Variants in PPFIBP2 observed in about 807,000 individuals in gnomAD.
PPFIBP2 encodes the protein PPFIB scaffold protein 2.
In PPFIBP2, 118 loss-of-function variants were observed where a neutral mutation model predicts 118.3. The ratio of observed to expected loss-of-function variants is 1.00; its 90% CI spans 0.86 to 1.16. PPFIBP2 has a LOEUF of 1.16. PPFIBP2 is among the 50% of genes most tolerant of loss of function. PPFIBP2 has a pLI of 0.00. For missense variants in PPFIBP2, 1,195 were observed against 1,073.1 expected, an observed-to-expected ratio of 1.11 and a Z score of -1.59; for synonymous variants, 414 against 397.4, an observed-to-expected ratio of 1.04 and a Z score of -0.50.
At chr11:7,539,742 AATG>A (rs1851583777) in intron 1 of PPFIBP2, among the ~76,000 whole-genome samples, 1 of 152,098 alleles carries the variant, frequency 6.6e-6, no homozygotes, top group Non-Finnish European at 1.5e-5. Context: ...CCTTGGAGAT[AATG>A]ATGATGGAAT....
rs201575718 is a variant in PPFIBP2, at chr11:7,537,332, CT to C, written c.-36-12101del. Among the ~76,000 whole-genome samples, 871 of 152,222 alleles carry C rather than the reference CT, an allele frequency of 5.7e-3. 9 individuals are homozygous for C. The highest frequency in any genetic ancestry group is 0.016 in the African/African-American group (671 of 41,528). On this transcript the variant is annotated intron_variant, in intron 1 of 23. Transcript: ENST00000299492. ...AAATGAGAAAACAAAAATGAGGACA[CT>C]TTTTTTCCCCCCCACAGAGGCAGCA...
At chr11:7,591,091 G>T (rs576039868) in intron 3 of PPFIBP2, among the ~76,000 whole-genome samples, 8 of 145,822 alleles carry the variant, frequency 5.5e-5, no homozygotes, top group African/African-American at 2.0e-4. Context: ...CTGAATTTAT[G>T]ATTTCAACTT....
At chr11:7,604,946 A>T (rs77382741) in intron 5 of PPFIBP2, among the ~76,000 whole-genome samples, 1 of 152,218 alleles carries the variant, frequency 6.6e-6, no homozygotes, top group African/African-American at 2.4e-5. Flanking sequence ...CTGGTTGACC[A>T]GGAAGTTACC....
intron 1 of PPFIBP2, among the ~76,000 whole-genome samples, chr11:7,542,901 C>T (rs1851940542): frequency 6.6e-6 from 1 of 152,132 alleles, no homozygotes; most frequent in African/African-American, 2.4e-5. Flanking sequence ...TTACATTTGC[C>T]CAAAACAATG....
Position 7,621,036 on chromosome 11 carries a change from C to A in PPFIBP2, c.711+9C>A. On this transcript the variant is annotated intron_variant, in intron 7 of 23. Coordinates refer to ENST00000299492, the MANE Select transcript of PPFIBP2 (RefSeq NM_003621.5). ...AGCTAAAGGCCACTAAGGTAAACGG[C>A]ACTCCTGATGCTTATGGAGAGAGTA... 1 of 1,580,102 alleles carries A rather than the reference C, an allele frequency of 6.3e-7. No individual in the cohort carries two copies. The highest frequency in any genetic ancestry group is 8.7e-7 in the Non-Finnish European group (1 of 1,149,094).
At chr11:7,531,513 T>C (rs1431309255) in intron 1 of PPFIBP2, among the ~76,000 whole-genome samples, 1 of 152,238 alleles carries the variant, frequency 6.6e-6, no homozygotes, top group African/African-American at 2.4e-5. Context: ...GGAACTGTGC[T>C]TACCTTGATG....
intron 5 of PPFIBP2, 21 bp from the exon 6 acceptor site, chr11:7,610,270 G>T: frequency 6.2e-7 from 1 of 1,611,350 alleles, no homozygotes; most frequent in Non-Finnish European, 8.5e-7. Context: ...TTCTGATTTC[G>T]AGATCTGTTT....
chr11:7,535,406 C>T (rs533027608), intron 1 of PPFIBP2, among the ~76,000 whole-genome samples: 35 of 152,286 alleles, frequency 2.3e-4, no homozygotes, highest in African/African-American at 8.2e-4. Flanking sequence ...AGGTCAGGCT[C>T]AGTGAGGAAG....
At chr11:7,537,084 T>C (rs886716964) in intron 1 of PPFIBP2, among the ~76,000 whole-genome samples, 1 of 152,008 alleles carries the variant, frequency 6.6e-6, no homozygotes, top group African/African-American at 2.4e-5. Flanking sequence ...CCTCCTACGT[T>C]ATTGCTGGGA....
Position 7,639,765 on chromosome 11 carries a change from ACTTTACCTGGGAAG to A in PPFIBP2, c.1275_1288del (p.Leu425PhefsTer20). On this transcript the variant is annotated frameshift_variant, in exon 15 of 24. Transcript: ENST00000299492. LOFTEE classifies it high-confidence loss of function. Reference sequence around the variant, plus strand: ...TTTCTTGGCGGAGCACAAATATCCCACTTTACCTGGGAAGCTTTCAGGAGCCACGCCCAATGGAG... The same window carrying A: ...TTTCTTGGCGGAGCACAAATATCCCACTTTCAGGAGCCACGCCCAATGGAG... 6.2e-7 allele frequency: 1 copy of A among 1,614,044 alleles called. No homozygotes were observed. Among genetic ancestry groups the A allele is most frequent in the Non-Finnish European group, 8.5e-7 (1 of 1,179,980 alleles).
chr11:7,645,153 G>A (rs1180875452), intron 17 of PPFIBP2, among the ~76,000 whole-genome samples: 4 of 152,068 alleles, frequency 2.6e-5, no homozygotes, highest in African/African-American at 9.7e-5. Context: ...ATGGTGTTAG[G>A]GCAGCTGTGG....
chr11:7,632,748 A>G, intron 11 of PPFIBP2, 119 bp from the exon 12 acceptor site: 2 of 748,930 alleles, frequency 2.7e-6, no homozygotes, highest in East Asian at 2.7e-5. Context: ...TGTATCCACC[A>G]TGGCTGCACC....
intron 7 of PPFIBP2, among the ~76,000 whole-genome samples, chr11:7,621,643 T>G (rs1330379415): frequency 6.6e-6 from 1 of 152,222 alleles, no homozygotes; most frequent in African/African-American, 2.4e-5. Context: ...TGGGTTACAT[T>G]CAGCCCATGA....
At chr11:7,527,740 T>A (rs1281101155) in intron 1 of PPFIBP2, among the ~76,000 whole-genome samples, 1 of 152,054 alleles carries the variant, frequency 6.6e-6, no homozygotes, top group East Asian at 1.9e-4. Context: ...TCTATGGGGC[T>A]GAAGGGAATT....
chr11:7,565,516 C>T, intron 2 of PPFIBP2, 37 bp from the exon 3 acceptor site: 1 of 1,607,470 alleles, frequency 6.2e-7, no homozygotes, highest in Non-Finnish European at 8.5e-7. Flanking sequence ...AGGGTGTCCA[C>T]CCTTCTTACT....
intron 1 of PPFIBP2, among the ~76,000 whole-genome samples, chr11:7,514,658 C>A (rs1849074170): frequency 6.6e-6 from 1 of 152,226 alleles, no homozygotes; most frequent in African/African-American, 2.4e-5. Context: ...AAAGCCGCCG[C>A]GTCCCAGTAG....
At chr11:7,634,960 A>T (rs1851257656) in intron 13 of PPFIBP2, among the ~76,000 whole-genome samples, 1 of 152,170 alleles carries the variant, frequency 6.6e-6, no homozygotes, top group African/African-American at 2.4e-5. Context: ...TTAATGATGA[A>T]TTAATGTGAA....
chr11:7,593,988 A>G (rs996234011), intron 4 of PPFIBP2, among the ~76,000 whole-genome samples: 2 of 152,208 alleles, frequency 1.3e-5, no homozygotes, highest in Non-Finnish European at 2.9e-5. Context: ...AAAGGCTAGT[A>G]TCCTAATCCC....
chr11:7,657,274 C>T (rs1043024728), downstream of PPFIBP2: 5 of 160,230 alleles, frequency 3.1e-5, no homozygotes, highest in Middle Eastern at 3.0e-3. Context: ...CTTCACAGAA[C>T]GTGCTTTTTC....
Sources: allele counts gnomAD v4.1 joint callset (sites outside exome capture counted in the v4.1 genomes callset), GRCh38; gene constraint gnomAD v4.1.1; transcripts MANE v1.5; gene names NCBI Gene and HGNC (gene_info 2026-07-23, HGNC 2026-07-21).